The following KCNIP4 variants were observed in gnomAD, a reference collection of about 807,000 sequenced individuals.
KCNIP4 encodes potassium voltage-gated channel interacting protein 4.
In KCNIP4, 12 loss-of-function variants were observed where a neutral mutation model predicts 34.0. That is an observed-to-expected ratio of 0.35 (90% CI 0.23 to 0.57). The LOEUF is 0.57. Among genes scored for constraint, KCNIP4 ranks in the 20% least tolerant of loss-of-function variants. The pLI, the probability that KCNIP4 is intolerant of heterozygous loss-of-function variation, is 0.83. For missense variants in KCNIP4, 238 were observed against 311.7 expected (o/e 0.76, Z 1.78); for synonymous variants, 124 against 102.2 (o/e 1.21, Z -1.29).
intron 1 of KCNIP4, among the ~76,000 whole-genome samples, chr4:21,248,555 A>C (rs1760461238): frequency 6.6e-6 from 1 of 152,120 alleles, no homozygotes; most frequent in African/African-American, 2.4e-5. Context: ...GGCAGATGGC[A>C]TGGTAATGGT....
At chr4:21,512,372 C>T (rs1245414841) in intron 1 of KCNIP4, among the ~76,000 whole-genome samples, 1 of 152,126 alleles carries the variant, frequency 6.6e-6, no homozygotes. Context: ...AATGACTTCA[C>T]CTAACATCAT....
At chr4:20,827,241 A>G (rs574890744) in intron 3 of KCNIP4, among the ~76,000 whole-genome samples, 1 of 152,286 alleles carries the variant, frequency 6.6e-6, no homozygotes, top group Admixed American at 6.5e-5. Flanking sequence ...TAGGACTGCC[A>G]TGACAAAATA....
rs117093839 is a variant in KCNIP4 at position 21,079,538 on chromosome 4, C to T, written c.62-196829G>A. On this transcript the variant is annotated intron_variant, in intron 1 of 8. Transcript: ENST00000382152. ...CAGATTGCCTTTCTCTTAATAGCTCCTTCTTTCTTGCCACTGAACCTAAAC... is the reference window on the plus strand; with the variant it reads ...CAGATTGCCTTTCTCTTAATAGCTCTTTCTTTCTTGCCACTGAACCTAAAC... 1.1e-3 allele frequency among the ~76,000 whole-genome samples: 170 copies of T among 152,026 alleles called. 3 individuals carry two copies. In the East Asian group the frequency reaches 0.025, roughly 22 times the overall value.
chr4:21,280,225 T>C (rs1170213300), intron 1 of KCNIP4, among the ~76,000 whole-genome samples: 3 of 152,208 alleles, frequency 2.0e-5, no homozygotes, highest in Non-Finnish European at 4.4e-5. Context: ...AGCAACTATG[T>C]AATGCACCCC....
chr4:20,905,384 A>G (rs565969568), intron 1 of KCNIP4, among the ~76,000 whole-genome samples: 40 of 152,278 alleles, frequency 2.6e-4, no homozygotes, highest in African/African-American at 9.6e-4. Flanking sequence ...TAAAATCACA[A>G]CCTCACAGAT....
At chr4:21,041,996 G>C (rs2149780562) in intron 1 of KCNIP4, among the ~76,000 whole-genome samples, 1 of 152,262 alleles carries the variant, frequency 6.6e-6, no homozygotes, top group East Asian at 1.9e-4. Flanking sequence ...TGCAAGGATT[G>C]GATTAGGTGA....
At chr4:21,215,981 G>A (rs1757548810) in intron 1 of KCNIP4, among the ~76,000 whole-genome samples, 2 of 151,942 alleles carry the variant, frequency 1.3e-5, no homozygotes. Flanking sequence ...TTTAGAGATG[G>A]GGTCTTGCTA....
intron 1 of KCNIP4, among the ~76,000 whole-genome samples, chr4:21,242,486 T>C (rs1024044083): frequency 2.0e-5 from 3 of 152,188 alleles, no homozygotes; most frequent in African/African-American, 7.2e-5. Context: ...AAATGTCATT[T>C]CTGGGTATGC....
chr4:20,792,619 C>A (rs551251218), intron 3 of KCNIP4, among the ~76,000 whole-genome samples: 1 of 152,162 alleles, frequency 6.6e-6, no homozygotes, highest in South Asian at 2.1e-4. Flanking sequence ...AGTCAAAAGA[C>A]AGTTGAAGTG....
At chr4:21,451,526 C>T (rs1728505858) in intron 1 of KCNIP4, among the ~76,000 whole-genome samples, 3 of 152,084 alleles carry the variant, frequency 2.0e-5, no homozygotes, top group South Asian at 2.1e-4. Context: ...TGAAAAAATC[C>T]CTATTTTTCA....
At chr4:21,785,177 A>C (rs540660277) in intron 1 of KCNIP4, among the ~76,000 whole-genome samples, 1 of 152,340 alleles carries the variant, frequency 6.6e-6, no homozygotes, top group East Asian at 1.9e-4. Flanking sequence ...CTTTATGGAC[A>C]TATAACTCAC....
chr4:21,296,078 A>C (rs552688492), intron 1 of KCNIP4, among the ~76,000 whole-genome samples: 2 of 152,270 alleles, frequency 1.3e-5, no homozygotes, highest in East Asian at 3.9e-4. Flanking sequence ...CACTGTCTAG[A>C]ACAGTAGCTG....
chr4:21,681,796 T>C (rs1750378099), intron 1 of KCNIP4, among the ~76,000 whole-genome samples: 1 of 152,006 alleles, frequency 6.6e-6, no homozygotes, highest in Non-Finnish European at 1.5e-5. Flanking sequence ...CTTCCACTCA[T>C]GGCAGAAGGC....
intron 8 of KCNIP4, among the ~76,000 whole-genome samples, chr4:20,730,821 T>G (rs1251952818): frequency 1.3e-5 from 2 of 152,164 alleles, no homozygotes; most frequent in African/African-American, 4.8e-5. Flanking sequence ...CAGTTGCATG[T>G]GAATAGCACT....
chr4:21,183,895 G>A (rs1398932562), intron 1 of KCNIP4, among the ~76,000 whole-genome samples: 2 of 152,046 alleles, frequency 1.3e-5, no homozygotes, highest in Non-Finnish European at 2.9e-5. Context: ...TGGTCACCCT[G>A]TCTACAGCAG....
intron 1 of KCNIP4, among the ~76,000 whole-genome samples, chr4:21,682,202 C>A (rs913707580): frequency 6.6e-6 from 1 of 152,112 alleles, no homozygotes; most frequent in Admixed American, 6.6e-5. Flanking sequence ...CAATGCCATA[C>A]ACTTTCAAAT....
intron 1 of KCNIP4, among the ~76,000 whole-genome samples, chr4:21,456,088 A>G (rs1164581835): frequency 6.8e-6 from 1 of 146,454 alleles, no homozygotes; most frequent in Non-Finnish European, 1.5e-5. Flanking sequence ...CCATTTTTAT[A>G]TCTGCAATAA....
chr4:21,498,576 G>C (rs1278131986), intron 1 of KCNIP4, among the ~76,000 whole-genome samples: 1 of 152,220 alleles, frequency 6.6e-6, no homozygotes, highest in African/African-American at 2.4e-5. Flanking sequence ...GCAGTCCTTA[G>C]ATATGCTAAT....
At chr4:20,933,742 G>GA (rs71181601) in intron 1 of KCNIP4, among the ~76,000 whole-genome samples, 95,064 of 145,194 alleles carry the variant, frequency 0.65, 31,154 homozygotes, top group East Asian at 0.75. Flanking sequence ...AGCTGAAAAA[G>GA]AAAAAAAAAA....
Sources: gnomAD v4.1 joint callset for allele counts (sites outside exome capture counted in the v4.1 genomes callset) on GRCh38, gnomAD v4.1.1 for gene constraint, MANE v1.5 for transcripts, NCBI Gene and HGNC (gene_info 2026-07-23, HGNC 2026-07-21) for gene names.